ENKUR: variants seen among roughly 807,000 people sequenced by gnomAD.
ENKUR encodes enkurin, TRPC channel interacting protein.
In ENKUR, 19 loss-of-function variants were observed where a neutral mutation model predicts 27.6. The ratio of observed to expected loss-of-function variants is 0.69; its 90% CI spans 0.48 to 1.01. The LOEUF (loss-of-function observed/expected upper bound fraction) is 1.01, where lower values mean the gene tolerates loss of function less well. Among genes scored for constraint, ENKUR ranks in the 50% least tolerant of loss-of-function variants. The probability of loss-of-function intolerance (pLI) is 0.00; values close to 1 mark genes in which losing one functional copy is unlikely to be tolerated. For missense variants in ENKUR, 312 were observed against 310.5 expected (o/e 1.00, Z -0.04); for synonymous variants, 117 against 96.9 (o/e 1.21, Z -1.22).
At chr10:25,038,656 T>TA (rs1453112003) in intron 2 of ENKUR, among the ~76,000 whole-genome samples, 1 of 152,218 alleles carries the variant, frequency 6.6e-6, no homozygotes, top group African/African-American at 2.4e-5. Context: ...ATCTCTTTAA[T>TA]AATGGCAGCT....
chr10:25,045,641 C>T (rs1298846985), intron 2 of ENKUR, among the ~76,000 whole-genome samples: 1 of 151,956 alleles, frequency 6.6e-6, no homozygotes, highest in African/African-American at 2.4e-5. Context: ...ACATTGTTGA[C>T]TAATAAATAA....
At chr10:25,016,749 T>C (rs1320245922), upstream of ENKUR, 3 of 152,356 alleles carry the variant, frequency 2.0e-5, no homozygotes, top group African/African-American at 7.2e-5. Context: ...TGCTCCCCCA[T>C]TTCCTTTCAT....
In ENKUR at chr10:25,023,227, C is replaced by G. The variant is rs201231585; in HGVS notation, c.38-27358G>C. ...TGGGCAGAAAAGTGAAAAGAGAATG[C>G]TCCACTTTAACCGATGTCATCATCT... On this transcript the variant is annotated intron_variant, in intron 2 of 5. Coordinates refer to the ENKUR transcript ENST00000615958. The G allele has an allele frequency of 1.0e-5, 16 of 1,605,720 alleles. No individual in the cohort carries two copies. The highest frequency in any genetic ancestry group is 6.7e-5 in the South Asian group (6 of 89,812).
chr10:25,009,837 C>T (rs1329890035), intron 1 of ENKUR, among the ~76,000 whole-genome samples: 5 of 152,164 alleles, frequency 3.3e-5, no homozygotes, highest in African/African-American at 7.2e-5. Flanking sequence ...TAAGATGTGA[C>T]TTTGTTCCTC....
chr10:24,993,078 G>C (rs1849960647), intron 3 of ENKUR, among the ~76,000 whole-genome samples: 1 of 152,102 alleles, frequency 6.6e-6, no homozygotes. Flanking sequence ...AGAACTGCTT[G>C]AGCCCAAAAG....
Position 24,995,850 on chromosome 10 carries a change from G to A in ENKUR, c.243C>T (p.Asn81=), listed in dbSNP as rs148926069. ...ATGGCACAGCAGGCTTTTTGGGCAC[G>A]TTCCGATCAAAGTTTTTTTCTGTTA... ...TLPPKKNFDR[N]VPKKPAVPLK... Residue 81 remains asparagine (N), a synonymous_variant, in exon 3 of 6, where the codon AAC becomes AAT. Transcript: ENST00000331161. The A allele has an allele frequency of 1.4e-4, 231 of 1,603,808 alleles. No homozygotes were observed. The highest frequency in any genetic ancestry group is 3.6e-4 in the East Asian group (16 of 44,818).
intron 2 of ENKUR, chr10:25,024,536 A>T (rs767831792): frequency 5.0e-6 from 8 of 1,614,140 alleles, no homozygotes; most frequent in Middle Eastern, 1.6e-4. Flanking sequence ...TCAGATTTTG[A>T]TTTTTGCCAG....
chr10:25,021,678 C>T (rs1012725458), intron 2 of ENKUR: 1 of 152,072 alleles, frequency 6.6e-6, no homozygotes, highest in African/African-American at 2.4e-5. Flanking sequence ...ATAGACTAGT[C>T]TATGTGTAGA....
At chr10:25,000,749 AT>A (rs1221683574) in intron 1 of ENKUR, among the ~76,000 whole-genome samples, 1 of 152,104 alleles carries the variant, frequency 6.6e-6, no homozygotes, top group Non-Finnish European at 1.5e-5. Context: ...TTTGTTTGGT[AT>A]GTTTATACCT....
chr10:25,034,394 T>C (rs1412253206), intron 2 of ENKUR, among the ~76,000 whole-genome samples: 1 of 152,148 alleles, frequency 6.6e-6, no homozygotes. Context: ...AGTTTTCTAG[T>C]CTAACAAAAA....
At chr10:25,058,046 G>A (rs1260484485) in intron 2 of ENKUR, among the ~76,000 whole-genome samples, 1 of 152,090 alleles carries the variant, frequency 6.6e-6, no homozygotes, top group Non-Finnish European at 1.5e-5. Flanking sequence ...GGACGGAGGT[G>A]AGTGAGGTTG....
At chr10:25,039,367 C>T (rs1277376565) in intron 2 of ENKUR, among the ~76,000 whole-genome samples, 1 of 152,004 alleles carries the variant, frequency 6.6e-6, no homozygotes, top group Non-Finnish European at 1.5e-5. Flanking sequence ...ATCGCTTGAG[C>T]CCAGGAGTTT....
chr10:25,049,865 T>G (rs1169849782), intron 2 of ENKUR, among the ~76,000 whole-genome samples: 2 of 151,936 alleles, frequency 1.3e-5, no homozygotes, highest in African/African-American at 4.8e-5. Context: ...AGTAGTGTAT[T>G]AGACCATTTT....
intron 1 of ENKUR, among the ~76,000 whole-genome samples, chr10:25,001,070 A>T (rs1850179660): frequency 6.6e-6 from 1 of 152,058 alleles, no homozygotes; most frequent in African/African-American, 2.4e-5. Flanking sequence ...AATTGTGATT[A>T]TGTTCCCTTT....
At position 25,024,504 on chromosome 10, in the gene ENKUR, T is replaced by C. The variant is rs186281715; in HGVS notation, c.38-28635A>G. On this transcript the variant is annotated intron_variant, in intron 2 of 5. Coordinates refer to the ENKUR transcript ENST00000615958. ...AAATAATTGGCAGTCAGAGAGAAAA[T>C]GGATGGGCAGTGGGTGTTGAGTCAG... 6.4e-5 allele frequency: 103 copies of C among 1,614,076 alleles called. No homozygotes were observed. The East Asian group carries it at 2.1e-3, about 32-fold the overall frequency.
intron 2 of ENKUR, chr10:25,023,923 A>G: frequency 6.2e-6 from 10 of 1,614,200 alleles, no homozygotes; most frequent in East Asian, 2.2e-5. Flanking sequence ...ATTCATTTCA[A>G]CAAGACACGT....
intron 2 of ENKUR, among the ~76,000 whole-genome samples, chr10:24,996,180 GC>G (rs1030715528): frequency 2.6e-5 from 4 of 152,214 alleles, no homozygotes; most frequent in African/African-American, 9.7e-5. Flanking sequence ...GGGCACGGTG[GC>G]CCACGGTGAC....
chr10:25,051,881 C>T (rs918501073), intron 2 of ENKUR, among the ~76,000 whole-genome samples: 1 of 152,204 alleles, frequency 6.6e-6, no homozygotes, highest in Non-Finnish European at 1.5e-5. Flanking sequence ...TGCTTAGAGC[C>T]TGTCCCCTGT....
intron 1 of ENKUR, 29 bp downstream of exon 1, chr10:25,015,831 C>A: frequency 6.4e-7 from 1 of 1,569,500 alleles, no homozygotes. Flanking sequence ...ATTCTTGTTT[C>A]AAGTGATAGT....
Sources: gnomAD v4.1 joint callset for allele counts (sites outside exome capture counted in the v4.1 genomes callset) on GRCh38, gnomAD v4.1.1 for gene constraint, MANE v1.5 for transcripts, NCBI Gene and HGNC (gene_info 2026-07-23, HGNC 2026-07-21) for gene names.